SULF1: variants seen among roughly 807,000 people sequenced by gnomAD.
The protein encoded by SULF1 is sulfatase 1.
Under a neutral mutation model 110.5 loss-of-function variants are expected in SULF1, and 46 were observed. That is an observed-to-expected ratio of 0.42 (90% CI 0.33 to 0.53). The LOEUF (loss-of-function observed/expected upper bound fraction) is 0.53, where lower values mean the gene tolerates loss of function less well. Ranked by LOEUF, SULF1 falls within the 20% of genes least tolerant of loss-of-function variation. The probability of loss-of-function intolerance (pLI) is 0.12; values close to 1 mark genes in which losing one functional copy is unlikely to be tolerated. For missense variants in SULF1, 941 were observed against 1,094.2 expected, an observed-to-expected ratio of 0.86 and a Z score of 1.98; for synonymous variants, 371 against 387.1, an observed-to-expected ratio of 0.96 and a Z score of 0.49.
chr8:69,552,199 A>C (rs879625148), intron 3 of SULF1, among the ~76,000 whole-genome samples: 9 of 152,218 alleles, frequency 5.9e-5, no homozygotes, highest in Non-Finnish European at 1.3e-4. Context: ...GTTATGAATT[A>C]AGTACTTGAG....
At chr8:69,546,924 T>G (rs1814301159) in intron 3 of SULF1, among the ~76,000 whole-genome samples, 1 of 152,212 alleles carries the variant, frequency 6.6e-6, no homozygotes, top group Non-Finnish European at 1.5e-5. Flanking sequence ...ATATTCTAGT[T>G]GTGTGAGTTT....
intron 19 of SULF1, among the ~76,000 whole-genome samples, chr8:69,633,774 C>T (rs1209411481): frequency 2.0e-5 from 3 of 152,074 alleles, no homozygotes; most frequent in African/African-American, 7.2e-5. Context: ...ATCAACCCGT[C>T]ATCTACGTTA....
intron 19 of SULF1, among the ~76,000 whole-genome samples, chr8:69,632,920 G>A (rs1810692255): frequency 6.6e-6 from 1 of 151,910 alleles, no homozygotes; most frequent in African/African-American, 2.4e-5. Flanking sequence ...CAGCTACTCG[G>A]GAGGCTGAGG....
intron 6 of SULF1, among the ~76,000 whole-genome samples, chr8:69,583,556 A>G (rs1308071576): frequency 6.6e-6 from 1 of 152,210 alleles, no homozygotes; most frequent in Non-Finnish European, 1.5e-5. Context: ...CCTGGGCAAC[A>G]GGGTAAGACT....
At chr8:69,506,230 A>G (rs1433072559) in intron 3 of SULF1, among the ~76,000 whole-genome samples, 5 of 118,748 alleles carry the variant, frequency 4.2e-5, no homozygotes, top group East Asian at 4.3e-4. Flanking sequence ...AGATAACACT[A>G]AACATACACA....
intron 15 of SULF1, among the ~76,000 whole-genome samples, chr8:69,626,494 C>A (rs1427929364): frequency 6.6e-6 from 1 of 152,260 alleles, no homozygotes; most frequent in Non-Finnish European, 1.5e-5. Context: ...CACTCCTCAG[C>A]CCTTGGGTGG....
chr8:69,564,290 T>C, intron 5 of SULF1, 143 bp downstream of exon 5: 2 of 1,009,076 alleles, frequency 2.0e-6, no homozygotes, highest in South Asian at 3.2e-5. Context: ...GAACTTGTAT[T>C]GACCATAAGG....
At chr8:69,588,900 G>C (rs1161786339) in intron 7 of SULF1, 72 bp from the exon 8 acceptor site, 4 of 1,461,182 alleles carry the variant, frequency 2.7e-6, no homozygotes, top group Non-Finnish European at 3.8e-6. Context: ...TCTGAGGAAA[G>C]CAGTTATTCA....
At chr8:69,524,547 C>A (rs1317818337) in intron 3 of SULF1, among the ~76,000 whole-genome samples, 1 of 152,138 alleles carries the variant, frequency 6.6e-6, no homozygotes, top group Non-Finnish European at 1.5e-5. Context: ...CCCCCATGAT[C>A]TAATCCCCTC....
At chr8:69,521,424 A>C (rs1445082109) in intron 3 of SULF1, among the ~76,000 whole-genome samples, 1 of 152,162 alleles carries the variant, frequency 6.6e-6, no homozygotes, top group African/African-American at 2.4e-5. Flanking sequence ...GGTGGGTTGC[A>C]GTGTTAAAGA....
chr8:69,556,145 G>A (rs28594971), intron 3 of SULF1, among the ~76,000 whole-genome samples: 21,562 of 152,118 alleles, frequency 0.14, 1,825 homozygotes, highest in Middle Eastern at 0.21. Context: ...GCATATGCAC[G>A]TGTATGTGTG....
chr8:69,603,833 G>T (rs1808021821), intron 12 of SULF1, among the ~76,000 whole-genome samples, 177 bp downstream of exon 12: 1 of 152,134 alleles, frequency 6.6e-6, no homozygotes, highest in South Asian at 2.1e-4. Flanking sequence ...ATAATTGCTG[G>T]ATCAGAATTG....
At chr8:69,655,781 TA>T (rs1196521576) in intron 22 of SULF1, among the ~76,000 whole-genome samples, 1 of 152,244 alleles carries the variant, frequency 6.6e-6, no homozygotes, top group African/African-American at 2.4e-5. Flanking sequence ...CACTCCCAGC[TA>T]TTACCTGAAT....
At chr8:69,488,338 T>A (rs907188208), upstream of SULF1, among the ~76,000 whole-genome samples, 6 of 152,214 alleles carry the variant, frequency 3.9e-5, no homozygotes, top group Admixed American at 1.3e-4. Flanking sequence ...AGTAGAAGTG[T>A]CATCTTTTTG....
Position 69,537,014 on chromosome 8 carries a change from G to T in SULF1, c.-133-26525G>T, listed in dbSNP as rs150749722. Among the ~76,000 whole-genome samples, 567 of 152,290 alleles carry T rather than the reference G, an allele frequency of 3.7e-3. 2 individuals carry two copies. Among genetic ancestry groups the T allele is most frequent in the African/African-American group, 0.013 (535 of 41,556 alleles). On this transcript the variant is annotated intron_variant, in intron 3 of 22. Transcript: ENST00000402687. The stretch of plus-strand genomic sequence containing the variant: ...GTACTATGATGACTTCAGCTAAAAT[G>T]GGGGAATGAGTCCTACCTCCTCCGT...
At chr8:69,612,456 T>A (rs1808735826) in intron 13 of SULF1, among the ~76,000 whole-genome samples, 1 of 152,232 alleles carries the variant, frequency 6.6e-6, no homozygotes, top group African/African-American at 2.4e-5. Context: ...TGCACTAATT[T>A]ACATTCTCAC....
chr8:69,553,233 A>G (rs1486617461), intron 3 of SULF1, among the ~76,000 whole-genome samples: 1 of 152,250 alleles, frequency 6.6e-6, no homozygotes, highest in Non-Finnish European at 1.5e-5. Flanking sequence ...ATGATTTCAC[A>G]AAAACAGTTT....
chr8:69,660,560 A>G lies in SULF1; in HGVS notation c.*2025A>G, dbSNP rs1171900634. On this transcript the variant is annotated 3_prime_UTR_variant, in exon 23 of 23. Transcript: ENST00000402687. ...AGAGAGGTTTTCTTCTTATTTTTAG[A>G]TAATTCAAGTGCTTAGATAAATTAT... 2.0e-5 allele frequency: 3 copies of G among 152,632 alleles called. No individual in the cohort carries two copies. The highest frequency in any genetic ancestry group is 2.9e-5 in the Non-Finnish European group (2 of 68,046). 9.5% of individuals were successfully genotyped at this position (152,632 alleles called of 1,614,324 possible).
In SULF1 at chr8:69,586,513, T is replaced by C. The variant is rs1170015538; in HGVS notation, c.564+5T>C. On this transcript the variant is annotated splice_donor_5th_base_variant and intron_variant, in intron 7 of 22. Coordinates refer to ENST00000402687, the MANE Select transcript of SULF1 (RefSeq NM_001128205.2). ...CATGGATTTGATTATGCAAAGGTAA[T>C]TTTCAGGCACTTTTACACTGCATCA... 1 of 1,608,832 alleles carries C rather than the reference T, an allele frequency of 6.2e-7. No homozygotes were observed. The highest frequency in any genetic ancestry group is 8.5e-7 in the Non-Finnish European group (1 of 1,179,316).
Sources: allele counts gnomAD v4.1 joint callset (sites outside exome capture counted in the v4.1 genomes callset), GRCh38; gene constraint gnomAD v4.1.1; transcripts MANE v1.5; gene names NCBI Gene and HGNC (gene_info 2026-07-23, HGNC 2026-07-21).